The following CPA6 variants were observed in gnomAD, a reference collection of about 807,000 sequenced individuals.
The protein encoded by CPA6 is carboxypeptidase B.
CPA6 carries 58 observed loss-of-function variants against 63.3 expected under a neutral mutation model. The ratio of observed to expected loss-of-function variants is 0.92; its 90% CI spans 0.74 to 1.14. CPA6 has a LOEUF of 1.14. Among genes scored for constraint, CPA6 ranks in the 50% most tolerant of loss-of-function variants. The pLI, the probability that CPA6 is intolerant of heterozygous loss-of-function variation, is 0.00. For synonymous variants in CPA6, 185 were observed against 179.0 expected, an observed-to-expected ratio of 1.03 and a Z score of -0.27; for missense variants, 565 against 526.6, an observed-to-expected ratio of 1.07 and a Z score of -0.71.
intron 2 of CPA6, among the ~76,000 whole-genome samples, chr8:67,603,043 T>C (rs1814537233): frequency 6.6e-6 from 1 of 152,110 alleles, no homozygotes; most frequent in African/African-American, 2.4e-5. Flanking sequence ...AGAAGCTAAG[T>C]GTGACAAAAA....
At chr8:67,744,119 A>C (rs1330192284) in intron 1 of CPA6, among the ~76,000 whole-genome samples, 1 of 152,224 alleles carries the variant, frequency 6.6e-6, no homozygotes, top group Non-Finnish European at 1.5e-5. Context: ...TTTTGCGATG[A>C]GAAAATGACA....
chr8:67,666,239 C>T (rs1191213310), intron 1 of CPA6, among the ~76,000 whole-genome samples: 1 of 152,196 alleles, frequency 6.6e-6, no homozygotes, highest in African/African-American at 2.4e-5. Flanking sequence ...CTATTCTTCC[C>T]CGCTGTGGGA....
chr8:67,648,265 T>TTTG (rs1250252026), intron 1 of CPA6, among the ~76,000 whole-genome samples: 3 of 151,342 alleles, frequency 2.0e-5, no homozygotes, highest in African/African-American at 7.3e-5. Flanking sequence ...TAGGTTTTTT[T>TTTG]TTTTTTTTTT....
chr8:67,656,128 C>T (rs372246571), intron 1 of CPA6, among the ~76,000 whole-genome samples: 2 of 151,952 alleles, frequency 1.3e-5, no homozygotes, highest in Non-Finnish European at 2.9e-5. Flanking sequence ...GTTTTTGCCT[C>T]CTTTGCCCAG....
At chr8:67,436,453 G>A (rs1172004084) in intron 8 of CPA6, among the ~76,000 whole-genome samples, 1 of 149,710 alleles carries the variant, frequency 6.7e-6, no homozygotes, top group African/African-American at 2.5e-5. Flanking sequence ...AAAAAAGAAA[G>A]AAAAGGCTAG....
chr8:67,490,866 G>A (rs1811588769), intron 6 of CPA6, among the ~76,000 whole-genome samples: 1 of 151,762 alleles, frequency 6.6e-6, no homozygotes, highest in Admixed American at 6.6e-5. Flanking sequence ...CTTTCTTAGA[G>A]TTCATGACAG....
At chr8:67,537,592 T>A (rs1459468932) in intron 2 of CPA6, among the ~76,000 whole-genome samples, 1 of 152,198 alleles carries the variant, frequency 6.6e-6, no homozygotes, top group Non-Finnish European at 1.5e-5. Flanking sequence ...TTTTTTCTTA[T>A]TAGCCTGTCT....
chr8:67,582,646 T>C (rs762922755), intron 2 of CPA6, among the ~76,000 whole-genome samples: 16 of 152,158 alleles, frequency 1.1e-4, no homozygotes, highest in Non-Finnish European at 1.8e-4. Flanking sequence ...TGTGGGAAGA[T>C]CGATGAATGA....
At chr8:67,457,139 T>C (rs2128956561) in intron 8 of CPA6, among the ~76,000 whole-genome samples, 1 of 152,330 alleles carries the variant, frequency 6.6e-6, no homozygotes, top group South Asian at 2.1e-4. Flanking sequence ...ACAGCAGCAA[T>C]GGGGCACAAA....
chr8:67,615,588 G>C (rs1814924722), intron 2 of CPA6, among the ~76,000 whole-genome samples: 3 of 152,210 alleles, frequency 2.0e-5, no homozygotes, highest in Non-Finnish European at 4.4e-5. Context: ...TTGCTGGGCT[G>C]TGTTCCTGAA....
chr8:67,668,236 C>A (rs1816272765), intron 1 of CPA6, among the ~76,000 whole-genome samples: 1 of 152,152 alleles, frequency 6.6e-6, no homozygotes, highest in Non-Finnish European at 1.5e-5. Flanking sequence ...GTAAAATATA[C>A]TTTATCAAAG....
At chr8:67,611,250 T>C (rs1321786001) in intron 2 of CPA6, among the ~76,000 whole-genome samples, 3 of 152,076 alleles carry the variant, frequency 2.0e-5, no homozygotes, top group African/African-American at 7.2e-5. Context: ...GCCCTGCTAA[T>C]TTTTTGTATT....
intron 2 of CPA6, among the ~76,000 whole-genome samples, chr8:67,523,291 G>A (rs1812297780): frequency 6.6e-6 from 1 of 152,190 alleles, no homozygotes; most frequent in Admixed American, 6.6e-5. Flanking sequence ...CACTTTGGGA[G>A]GTAGAGGTGG....
chr8:67,729,980 A>G (rs1390870534), intron 1 of CPA6, among the ~76,000 whole-genome samples: 1 of 152,256 alleles, frequency 6.6e-6, no homozygotes, highest in Non-Finnish European at 1.5e-5. Flanking sequence ...TTCTCCTGCT[A>G]CACTCAGCAT....
chr8:67,453,433 G>C (rs1810599953), intron 8 of CPA6, among the ~76,000 whole-genome samples: 1 of 152,168 alleles, frequency 6.6e-6, no homozygotes, highest in Admixed American at 6.5e-5. Flanking sequence ...TGAAGGTCAG[G>C]AGTTCATTTC....
intron 2 of CPA6, among the ~76,000 whole-genome samples, chr8:67,613,718 CCCTCAAG>C (rs1297027478): frequency 6.6e-6 from 1 of 152,182 alleles, no homozygotes; most frequent in Non-Finnish European, 1.5e-5. Context: ...AAAGGCCCCA[CCCTCAAG>C]CCTGTATACC....
At chr8:67,682,601 G>A (rs1446253962) in intron 1 of CPA6, among the ~76,000 whole-genome samples, 1 of 152,052 alleles carries the variant, frequency 6.6e-6, no homozygotes, top group Non-Finnish European at 1.5e-5. Context: ...GACTTTGTTG[G>A]GTCTTGGACA....
intron 3 of CPA6, among the ~76,000 whole-genome samples, chr8:67,517,699 T>TA (rs1166611714): frequency 6.6e-6 from 1 of 152,218 alleles, no homozygotes; most frequent in African/African-American, 2.4e-5. Flanking sequence ...ACTGATCACT[T>TA]AGTGGTAACA....
chr8:67,638,262 T>G (rs1203176604), intron 1 of CPA6, among the ~76,000 whole-genome samples: 2 of 151,178 alleles, frequency 1.3e-5, no homozygotes, highest in Non-Finnish European at 2.9e-5. Context: ...ACAAAATGCC[T>G]TGTGACAGGA....
Sources: gnomAD v4.1 joint callset for allele counts (sites outside exome capture counted in the v4.1 genomes callset) on GRCh38, gnomAD v4.1.1 for gene constraint, MANE v1.5 for transcripts, NCBI Gene and HGNC (gene_info 2026-07-23, HGNC 2026-07-21) for gene names.